TMEM47: variants seen among roughly 807,000 people sequenced by gnomAD.
TMEM47 encodes brain cell membrane protein 1.
Under a neutral mutation model 12.4 loss-of-function variants are expected in TMEM47, and 3 were observed. That is an observed-to-expected ratio of 0.24 (90% confidence interval 0.11 to 0.63). TMEM47 has a LOEUF of 0.63. TMEM47 is among the 20% of genes least tolerant of loss of function. The pLI, the probability that TMEM47 is intolerant of heterozygous loss-of-function variation, is 0.86. For missense variants in TMEM47, 89 were observed against 143.8 expected (o/e 0.62, Z 1.95); for synonymous variants, 62 against 63.3 (o/e 0.98, Z 0.10).
chrX:34,629,855 C>G lies in TMEM47; in HGVS notation c.*458G>C, dbSNP rs1321006407. On this transcript the variant is annotated 3_prime_UTR_variant, in exon 3 of 3. Transcript: ENST00000275954. ...TTCATTTTTCAAGGGCTCACTCAAG[C>G]AAATAACCAACAGCCAATGTAGTCA... 1 of 112,508 alleles carries G rather than the reference C, an allele frequency of 8.9e-6. No homozygotes were observed. The highest frequency in any genetic ancestry group is 3.2e-5 in the African/African-American group (1 of 30,788). 9.3% of individuals were successfully genotyped at this position (112,508 alleles called of 1,213,427 possible). A position where few individuals can be genotyped will look rare whatever the true frequency, so the allele number is the denominator to read the frequency against.
At chrX:34,651,689 A>G (rs1312769995) in intron 1 of TMEM47, among the ~76,000 whole-genome samples, 1 of 112,075 alleles carries the variant, frequency 8.9e-6, no homozygotes, top group Non-Finnish European at 1.9e-5. Flanking sequence ...AAAAATCCAA[A>G]GTTTCCTCAA....
At chrX:34,656,553 G>A (rs958558557) in intron 1 of TMEM47, among the ~76,000 whole-genome samples, 3 of 111,278 alleles carry the variant, frequency 2.7e-5, no homozygotes, top group African/African-American at 9.8e-5. Flanking sequence ...CTCCAGAACA[G>A]GAGGAATGGC....
At chrX:34,636,095 A>G (rs1219356331) in intron 2 of TMEM47, among the ~76,000 whole-genome samples, 2 of 112,208 alleles carry the variant, frequency 1.8e-5, no homozygotes, top group African/African-American at 6.5e-5. Context: ...TGATAACGGT[A>G]CAGGGAAATT....
intron 2 of TMEM47, 99 bp downstream of exon 2, chrX:34,639,148 G>A (rs914321097): frequency 4.1e-5 from 40 of 966,495 alleles, no homozygotes; most frequent in Non-Finnish European, 4.7e-5. Flanking sequence ...CAATTTTTAC[G>A]TAATGCAGCA....
intron 1 of TMEM47, among the ~76,000 whole-genome samples, chrX:34,654,215 C>T (rs1337731715): frequency 8.9e-6 from 1 of 112,187 alleles, no homozygotes. Flanking sequence ...GTAGGGCATA[C>T]TATTGTGAGT....
chrX:34,643,659 T>C (rs762057750), intron 1 of TMEM47, among the ~76,000 whole-genome samples: 1 of 111,824 alleles, frequency 8.9e-6, no homozygotes, highest in African/African-American at 3.2e-5. Flanking sequence ...CTATAAATAA[T>C]ATACCAATAC....
At chrX:34,639,172 T>C in intron 2 of TMEM47, 75 bp downstream of exon 2, 1 of 1,088,088 alleles carries the variant, frequency 9.2e-7, no homozygotes, top group Non-Finnish European at 1.2e-6. Flanking sequence ...ACATACCTCT[T>C]CTGCATAGGA....
At chrX:34,638,358 G>A (rs1055531463) in intron 2 of TMEM47, among the ~76,000 whole-genome samples, 4 of 111,559 alleles carry the variant, frequency 3.6e-5, no homozygotes, top group Admixed American at 9.5e-5. Flanking sequence ...AACAGTAGGG[G>A]GCAGCAGAAC....
intron 1 of TMEM47, among the ~76,000 whole-genome samples, chrX:34,651,280 C>A (rs1196817908): frequency 8.9e-6 from 1 of 111,809 alleles, no homozygotes; most frequent in Admixed American, 9.5e-5. Context: ...TCTTGTCCTG[C>A]GGGACCCACT....
intron 1 of TMEM47, among the ~76,000 whole-genome samples, chrX:34,651,823 A>G (rs1922022804): frequency 8.9e-6 from 1 of 112,359 alleles, no homozygotes; most frequent in South Asian, 3.6e-4. Flanking sequence ...ATCTACCAAG[A>G]GCATTGTTAA....
At chrX:34,656,285 C>G (rs1411837506) in intron 1 of TMEM47, among the ~76,000 whole-genome samples, 1 of 111,311 alleles carries the variant, frequency 9.0e-6, no homozygotes, top group Non-Finnish European at 1.9e-5. Context: ...AAATCCAAAC[C>G]GAAATACATT....
At position 34,634,485 on chromosome X, in the gene TMEM47, G is replaced by GTA. The variant is rs1921679383; in HGVS notation, c.368-3995_368-3994insTA. On this transcript the variant is annotated intron_variant, in intron 2 of 2. Coordinates refer to ENST00000275954, the MANE Select transcript of TMEM47 (RefSeq NM_031442.4). The stretch of plus-strand genomic sequence containing the variant: ...TGATAAACATATATTGGGTGCCTAC[G>GTA]TGCTAGATGAAGGGGATAAGATAGA... Among the ~76,000 whole-genome samples the GTA allele has an allele frequency of 1.9e-4, 11 of 58,771 alleles. No individual in the cohort carries two copies. The South Asian group carries it at 0.011, about 58-fold the overall frequency. 51.0% of individuals were successfully genotyped at this position (58,771 alleles called of 115,157 possible). A position where few individuals can be genotyped will look rare whatever the true frequency, so the allele number is the denominator to read the frequency against.
chrX:34,637,668 G>A (rs1345500461), intron 2 of TMEM47, among the ~76,000 whole-genome samples: 3 of 110,381 alleles, frequency 2.7e-5, no homozygotes, highest in Non-Finnish European at 3.8e-5. Flanking sequence ...ACCAGATTAT[G>A]AGCTACATGC....
intron 1 of TMEM47, among the ~76,000 whole-genome samples, chrX:34,655,891 G>C (rs1367056022): frequency 8.9e-6 from 1 of 111,746 alleles, no homozygotes; most frequent in Non-Finnish European, 1.9e-5. Context: ...TAGAAAGGAA[G>C]GGGTTTGTAG....
chrX:34,630,495 A>T lies in TMEM47; in HGVS notation c.368-4T>A. ...AGGCTGCAAACCTGTAAAACAACTG[A>T]AAGAAAAGCAAATCAAAATTAGAAA... On this transcript the variant is annotated splice_polypyrimidine_tract_variant and splice_region_variant and intron_variant, in intron 2 of 2. Coordinates refer to ENST00000275954, the MANE Select transcript of TMEM47 (RefSeq NM_031442.4). The T allele has an allele frequency of 8.5e-7, 1 of 1,183,052 alleles. No homozygotes were observed. Among genetic ancestry groups the T allele is most frequent in the East Asian group, 3.0e-5 (1 of 33,586 alleles).
intron 1 of TMEM47, 53 bp downstream of exon 1, chrX:34,656,751 G>A (rs1922116281): frequency 8.7e-7 from 1 of 1,143,847 alleles, no homozygotes; most frequent in African/African-American, 1.8e-5. Flanking sequence ...TGGCAGTGGG[G>A]CGCGGGGCAG....
rs1444865247 is a variant in TMEM47 at position 34,629,107 on chromosome X, AT to A, written c.*1205del. ...CTATCGCTATTCCTTTCTTAAAAAA[AT>A]GAAGACATTTAAAATACTTGCAAAA... On this transcript the variant is annotated 3_prime_UTR_variant, in exon 3 of 3. Coordinates refer to ENST00000275954, the MANE Select transcript of TMEM47 (RefSeq NM_031442.4). The A allele has an allele frequency of 1.8e-5, 2 of 111,956 alleles. No individual in the cohort carries two copies. The highest frequency in any genetic ancestry group is 6.5e-5 in the African/African-American group (2 of 30,801). The allele number at this position is 111,956 out of a possible 1,213,427, so 9.2% of individuals were successfully genotyped here.
At chrX:34,643,512 A>C (rs1921854823) in intron 1 of TMEM47, among the ~76,000 whole-genome samples, 2 of 112,181 alleles carry the variant, frequency 1.8e-5, no homozygotes, top group South Asian at 7.4e-4. Context: ...TCTTCAAAAA[A>C]GTCATGCATT....
intron 2 of TMEM47, among the ~76,000 whole-genome samples, chrX:34,631,554 T>G (rs1921626474): frequency 8.9e-6 from 1 of 112,176 alleles, no homozygotes; most frequent in Non-Finnish European, 1.9e-5. Context: ...GCAAGAGAGA[T>G]AATGGTACAG....
Sources: allele counts gnomAD v4.1 joint callset (sites outside exome capture counted in the v4.1 genomes callset), GRCh38; gene constraint gnomAD v4.1.1; transcripts MANE v1.5; gene names NCBI Gene and HGNC (gene_info 2026-07-23, HGNC 2026-07-21).